The following KANK4 variants were observed in gnomAD, a reference collection of about 807,000 sequenced individuals.
KANK4 encodes the protein KN motif and ankyrin repeat domain-containing protein 4.
Under a neutral mutation model 80.8 loss-of-function variants are expected in KANK4, and 50 were observed. The ratio of observed to expected loss-of-function variants is 0.62; its 90% CI spans 0.49 to 0.78. The LOEUF is 0.78. Ranked by LOEUF, KANK4 falls within the 30% of genes least tolerant of loss-of-function variation. KANK4 has a pLI of 0.00. For synonymous variants in KANK4, 465 were observed against 506.9 expected, an observed-to-expected ratio of 0.92 and a Z score of 1.11; for missense variants, 1,196 against 1,240.1, an observed-to-expected ratio of 0.96 and a Z score of 0.53.
At chr1:62,289,061 G>A (rs1223337977) in intron 1 of KANK4, among the ~76,000 whole-genome samples, 6 of 152,032 alleles carry the variant, frequency 3.9e-5, no homozygotes, top group African/African-American at 1.2e-4. Flanking sequence ...TGTCCAACTC[G>A]CCTTATTTTG....
intron 9 of KANK4, among the ~76,000 whole-genome samples, chr1:62,245,419 T>C (rs1198834902): frequency 6.6e-6 from 1 of 152,176 alleles, no homozygotes; most frequent in African/African-American, 2.4e-5. Flanking sequence ...GCAGCTTAAA[T>C]TGCTGATGAG....
rs140386862 is a variant in KANK4, at chr1:62,304,708, C to T, written c.-71+14398G>A. Among the ~76,000 whole-genome samples, 556 of 151,988 alleles carry T rather than the reference C, an allele frequency of 3.7e-3. 4 individuals are homozygous for T. The highest frequency in any genetic ancestry group is 0.013 in the African/African-American group (526 of 41,556). ...CCAGCCAGCACTGGGGCCGATTACC[C>T]GCCCCCTCGCCAACAGCCTCCCCTT... On this transcript the variant is annotated intron_variant, in intron 1 of 9. Coordinates refer to ENST00000371153, the MANE Select transcript of KANK4 (RefSeq NM_181712.5).
intron 8 of KANK4, among the ~76,000 whole-genome samples, chr1:62,251,724 T>G (rs1162291285): frequency 2.6e-5 from 4 of 152,192 alleles, no homozygotes; most frequent in Non-Finnish European, 5.9e-5. Context: ...CCGGGCGCGG[T>G]GGCTCACGCC....
At position 62,253,139 on chromosome 1, in the gene KANK4, T is replaced by C; in HGVS notation, c.2610A>G (p.Ala870=). Residue 870 remains alanine (A), a synonymous_variant, in exon 8 of 10, where the codon GCA becomes GCG. Coordinates refer to ENST00000371153, the MANE Select transcript of KANK4 (RefSeq NM_181712.5). ...TAVMITPLAS[A]ETNEDMAVVW... is the part of the protein sequence containing the mutation. ...CAACAGCCATGTCTTCATTGGTCTCTGCGGAAGCCAAGGGAGTGATCATTA... is the reference window on the plus strand; with the variant it reads ...CAACAGCCATGTCTTCATTGGTCTCCGCGGAAGCCAAGGGAGTGATCATTA... 6.2e-7 allele frequency: 1 copy of C among 1,613,990 alleles called. No individual in the cohort carries two copies. The highest frequency in any genetic ancestry group is 1.3e-5 in the African/African-American group (1 of 75,064).
At chr1:62,289,737 TG>T in intron 1 of KANK4, among the ~76,000 whole-genome samples, 1 of 152,228 alleles carries the variant, frequency 6.6e-6, no homozygotes, top group South Asian at 2.1e-4. Context: ...ATAAATTATT[TG>T]GGGGGAAAGA....
In KANK4 at chr1:62,271,574, G is replaced by C. The variant is rs1432996921; in HGVS notation, c.1916C>G (p.Thr639Ser). The change falls in exon 4 of 10, where the codon ACC becomes AGC. Residue 639 changes from threonine (T) to serine (S), a missense_variant. By Grantham distance (58) the Thr-to-Ser change is moderately conservative (BLOSUM62 1). Transcript: ENST00000371153. ...CTTTTTCATTATGGATTTAAGGCTGGTCGATGGGGAGATCTCTAGGCAGAC... is the reference window on the plus strand; with the variant it reads ...CTTTTTCATTATGGATTTAAGGCTGCTCGATGGGGAGATCTCTAGGCAGAC... ...SSPPVEISPS[T>S]SLKSIMKKKD... 6.2e-7 allele frequency: 1 copy of C among 1,613,132 alleles called. No individual in the cohort carries two copies. Among genetic ancestry groups the C allele is most frequent in the South Asian group, 1.1e-5 (1 of 91,058 alleles).
At chr1:62,312,452 G>C (rs1336779172) in intron 1 of KANK4, among the ~76,000 whole-genome samples, 1 of 152,180 alleles carries the variant, frequency 6.6e-6, no homozygotes, top group Non-Finnish European at 1.5e-5. Flanking sequence ...ACCCCTTGGG[G>C]CTCTTGACCC....
At chr1:62,295,641 C>A (rs1276086760) in intron 1 of KANK4, among the ~76,000 whole-genome samples, 1 of 152,220 alleles carries the variant, frequency 6.6e-6, no homozygotes, top group Non-Finnish European at 1.5e-5. Flanking sequence ...GGCTCAATGA[C>A]CTGCCCACCT....
rs1175377789 is a variant in KANK4 at position 62,271,464 on chromosome 1, C to A, written c.2012+14G>T. 2 of 1,565,254 alleles carry A rather than the reference C, an allele frequency of 1.3e-6. No individual in the cohort carries two copies. Among genetic ancestry groups the A allele is most frequent in the East Asian group, 4.5e-5 (2 of 44,652 alleles). ...AGCAAGAAAGGCAGTCTGAGCTTCA[C>A]AAGCGATGCTTACCCACCGTTAACC... On this transcript the variant is annotated intron_variant, in intron 4 of 9. Transcript: ENST00000371153.
intron 9 of KANK4, among the ~76,000 whole-genome samples, chr1:62,239,638 A>G (rs2149111554): frequency 6.6e-6 from 1 of 152,216 alleles, no homozygotes; most frequent in South Asian, 2.1e-4. Context: ...TACAGTAGGT[A>G]TATCCCCTAA....
chr1:62,264,747 G>A (rs1006009445), intron 6 of KANK4, among the ~76,000 whole-genome samples: 1 of 152,188 alleles, frequency 6.6e-6, no homozygotes, highest in Non-Finnish European at 1.5e-5. Flanking sequence ...CTTTATCCAT[G>A]GGATCTTCAA....
chr1:62,314,202 T>C (rs1231368628), intron 1 of KANK4, among the ~76,000 whole-genome samples: 1 of 152,004 alleles, frequency 6.6e-6, no homozygotes, highest in East Asian at 1.9e-4. Flanking sequence ...TTAGTAGAGA[T>C]GGGGTTTCTC....
intron 1 of KANK4, among the ~76,000 whole-genome samples, chr1:62,318,165 C>T (rs1456112572): frequency 6.6e-6 from 1 of 152,190 alleles, no homozygotes; most frequent in African/African-American, 2.4e-5. Flanking sequence ...GCATCTGATC[C>T]TCCTCTGGCC....
chr1:62,266,846 T>C, intron 5 of KANK4, 27 bp from the exon 6 acceptor site: 1 of 1,274,048 alleles, frequency 7.8e-7, no homozygotes, highest in Non-Finnish European at 1.1e-6. Flanking sequence ...TATATACACA[T>C]ATTTATATAA....
chr1:62,259,308 G>C (rs940582801), intron 7 of KANK4, among the ~76,000 whole-genome samples: 1 of 151,552 alleles, frequency 6.6e-6, no homozygotes, highest in Non-Finnish European at 1.5e-5. Flanking sequence ...TCCAGGTCTC[G>C]CTCTGTCACT....
At chr1:62,247,389 C>T (rs1557468004) in intron 9 of KANK4, 83 bp downstream of exon 9, 1 of 1,261,758 alleles carries the variant, frequency 7.9e-7, no homozygotes, top group South Asian at 1.2e-5. Flanking sequence ...ATCCTCCCGC[C>T]TCAGCCTCCC....
rs964949376 is a variant in KANK4 at position 62,281,549 on chromosome 1, C to T, written c.16G>A (p.Ala6Thr). Residue 6 changes from alanine to threonine, a missense_variant and splice_region_variant, in exon 2 of 10, where the codon GCC (alanine) becomes ACC (threonine). Physicochemically the swap from Ala to Thr is moderately conservative, Grantham distance 58. Around this residue, in one of 3 missense-constraint regions of KANK4, gnomAD observed 36 missense variants for 34.0 expected, o/e 1.06. Coordinates refer to ENST00000371153, the MANE Select transcript of KANK4 (RefSeq NM_181712.5). Reference sequence around the variant, plus strand: ...AGGCCCTACAAAGCAGCTTGCCTACCATCTGTCTTCTCCATCTTTGGAGCG... The same window carrying T: ...AGGCCCTACAAAGCAGCTTGCCTACTATCTGTCTTCTCCATCTTTGGAGCG... MEKTD[A>T]KDQSSQGDEE... 6.2e-7 allele frequency: 1 copy of T among 1,614,074 alleles called. No homozygotes were observed. Among genetic ancestry groups the T allele is most frequent in the East Asian group, 2.2e-5 (1 of 44,896 alleles).
At chr1:62,300,567 T>C (rs1644403379) in intron 1 of KANK4, among the ~76,000 whole-genome samples, 1 of 152,114 alleles carries the variant, frequency 6.6e-6, no homozygotes, top group Admixed American at 6.5e-5. Flanking sequence ...AGCAGCTCTC[T>C]AGCTAGAGAT....
At chr1:62,290,411 A>T (rs1672654627) in intron 1 of KANK4, among the ~76,000 whole-genome samples, 1 of 152,184 alleles carries the variant, frequency 6.6e-6, no homozygotes, top group Non-Finnish European at 1.5e-5. Flanking sequence ...CTTTGAGGTA[A>T]GACAGGCCAG....
Sources: gnomAD v4.1 joint callset for allele counts (sites outside exome capture counted in the v4.1 genomes callset) on GRCh38, gnomAD v4.1.1 for gene constraint, gnomAD v4.1.1 regional missense constraint, MANE v1.5 for transcripts, NCBI Gene and HGNC (gene_info 2026-07-23, HGNC 2026-07-21) for gene names.